PTPRT: variants seen among roughly 807,000 people sequenced by gnomAD.
The protein encoded by PTPRT is protein tyrosine phosphatase receptor type T.
In PTPRT, 56 loss-of-function variants were observed where a neutral mutation model predicts 176.8. The ratio of observed to expected loss-of-function variants is 0.32; its 90% CI spans 0.26 to 0.40. The LOEUF (loss-of-function observed/expected upper bound fraction) is 0.40, where lower values mean the gene tolerates loss of function less well. PTPRT is among the 10% of genes least tolerant of loss of function. The pLI is 1.00. For missense variants in PTPRT, 1,540 were observed against 1,908.2 expected, an observed-to-expected ratio of 0.81 and a Z score of 3.60; for synonymous variants, 783 against 739.0, an observed-to-expected ratio of 1.06 and a Z score of -0.96.
At chr20:42,768,787 T>C (rs912937404) in intron 5 of PTPRT, among the ~76,000 whole-genome samples, 4 of 152,224 alleles carry the variant, frequency 2.6e-5, no homozygotes, top group African/African-American at 9.6e-5. Context: ...TGGTTTACAT[T>C]GAAAAGGAGA....
At chr20:42,755,263 C>A (rs1244987312) in intron 6 of PTPRT, among the ~76,000 whole-genome samples, 1 of 152,138 alleles carries the variant, frequency 6.6e-6, no homozygotes, top group African/African-American at 2.4e-5. Context: ...AACCCCCAGT[C>A]CAGTTGGCCC....
At chr20:42,502,860 A>G (rs977937600) in intron 7 of PTPRT, among the ~76,000 whole-genome samples, 1 of 152,044 alleles carries the variant, frequency 6.6e-6, no homozygotes, top group African/African-American at 2.4e-5. Context: ...CACATCTTCA[A>G]TTTAATAGAT....
At chr20:42,883,449 G>C (rs920751839) in intron 2 of PTPRT, among the ~76,000 whole-genome samples, 1 of 152,136 alleles carries the variant, frequency 6.6e-6, no homozygotes, top group African/African-American at 2.4e-5. Flanking sequence ...TACCAGTAGG[G>C]TGAAGTGAGC....
intron 1 of PTPRT, among the ~76,000 whole-genome samples, chr20:42,892,061 G>T (rs1461511048): frequency 6.6e-6 from 1 of 152,186 alleles, no homozygotes; most frequent in African/African-American, 2.4e-5. Context: ...GCTATAGTTT[G>T]CCAACCCTTG....
intron 7 of PTPRT, among the ~76,000 whole-genome samples, chr20:42,587,326 A>T (rs2073489217): frequency 6.6e-6 from 1 of 152,240 alleles, no homozygotes; most frequent in Non-Finnish European, 1.5e-5. Context: ...TTACAGACAC[A>T]TTGCCCAGCA....
chr20:42,430,203 G>A (rs920279624), intron 9 of PTPRT, among the ~76,000 whole-genome samples: 2 of 152,186 alleles, frequency 1.3e-5, no homozygotes, highest in Non-Finnish European at 2.9e-5. Flanking sequence ...ACTGGGCAAG[G>A]GGAGGAATTT....
intron 1 of PTPRT, among the ~76,000 whole-genome samples, chr20:43,127,255 C>T (rs927847030): frequency 6.6e-6 from 1 of 151,870 alleles, no homozygotes; most frequent in African/African-American, 2.4e-5. Flanking sequence ...AACCCTATCT[C>T]TACTAAAAAT....
chr20:42,694,360 G>A (rs529179349), intron 6 of PTPRT, among the ~76,000 whole-genome samples: 4 of 152,116 alleles, frequency 2.6e-5, no homozygotes, highest in Admixed American at 6.5e-5. Context: ...TTGTGTGCAC[G>A]GATAGTTCAT....
At chr20:43,059,930 G>T (rs931862274) in intron 1 of PTPRT, among the ~76,000 whole-genome samples, 23 of 152,010 alleles carry the variant, frequency 1.5e-4, no homozygotes, top group African/African-American at 3.9e-4. Flanking sequence ...AGTGAGCTGA[G>T]ATTGTGCCAT....
chr20:42,794,883 C>T (rs189994055), intron 2 of PTPRT, among the ~76,000 whole-genome samples: 154 of 151,780 alleles, frequency 1.0e-3, no homozygotes, highest in African/African-American at 3.6e-3. Context: ...TGGGATCCAG[C>T]GGCCATCTCT....
intron 1 of PTPRT, among the ~76,000 whole-genome samples, chr20:43,046,780 C>T (rs75037361): frequency 0.024 from 3,676 of 152,232 alleles, 165 homozygotes; most frequent in African/African-American, 0.084. Flanking sequence ...CTAAAATGAA[C>T]TCAGTAGGCA....
intron 14 of PTPRT, among the ~76,000 whole-genome samples, chr20:42,238,124 G>T (rs2056281328): frequency 6.6e-6 from 1 of 152,128 alleles, no homozygotes; most frequent in African/African-American, 2.4e-5. Context: ...ATAATTAAGA[G>T]AAAAGAGAAT....
At chr20:42,393,864 G>A (rs182463396) in intron 9 of PTPRT, among the ~76,000 whole-genome samples, 9 of 152,230 alleles carry the variant, frequency 5.9e-5, no homozygotes, top group Admixed American at 1.3e-4. Context: ...GACTGTATTC[G>A]CAAGCGTTGG....
chr20:42,334,210 G>T (rs149374207), intron 11 of PTPRT, among the ~76,000 whole-genome samples: 1 of 152,044 alleles, frequency 6.6e-6, no homozygotes, highest in African/African-American at 2.4e-5. Context: ...ATAAGTCTTC[G>T]TTGTAGGGGG....
chr20:42,886,707 T>A (rs1368228943), intron 1 of PTPRT, among the ~76,000 whole-genome samples: 1 of 152,250 alleles, frequency 6.6e-6, no homozygotes, highest in East Asian at 1.9e-4. Context: ...TGACAAGGAT[T>A]CACTGAGCAT....
chr20:42,317,928 G>A (rs140172319), intron 11 of PTPRT, among the ~76,000 whole-genome samples: 34 of 152,262 alleles, frequency 2.2e-4, no homozygotes, highest in East Asian at 1.7e-3. Flanking sequence ...AGTGACATGC[G>A]AGTGGATGTG....
intron 7 of PTPRT, among the ~76,000 whole-genome samples, chr20:42,508,401 A>C (rs941277888): frequency 2.6e-5 from 4 of 152,158 alleles, no homozygotes; most frequent in Admixed American, 2.0e-4. Context: ...GCTGTATGAG[A>C]GAAGGCTACT....
intron 27 of PTPRT, among the ~76,000 whole-genome samples, chr20:42,087,416 A>G (rs967912133): frequency 2.8e-5 from 4 of 145,032 alleles, no homozygotes; most frequent in African/African-American, 7.5e-5. Context: ...TTTTATTTTT[A>G]TTTTGTGTTT....
intron 15 of PTPRT, among the ~76,000 whole-genome samples, chr20:42,212,526 T>C (rs1327883976): frequency 6.6e-6 from 1 of 151,740 alleles, no homozygotes; most frequent in Non-Finnish European, 1.5e-5. Context: ...CAGGACTGCA[T>C]AGCAGTTAAT....
Sources: allele counts gnomAD v4.1 joint callset (sites outside exome capture counted in the v4.1 genomes callset), GRCh38; gene constraint gnomAD v4.1.1; transcripts MANE v1.5; gene names NCBI Gene and HGNC (gene_info 2026-07-23, HGNC 2026-07-21).